Variants in LYPD4 observed in about 807,000 individuals in gnomAD.
LYPD4 encodes ly6/PLAUR domain-containing protein 4.
LYPD4 carries 20 observed loss-of-function variants against 18.2 expected under a neutral mutation model. The ratio of observed to expected loss-of-function variants is 1.10; its 90% CI spans 0.77 to 1.59. The LOEUF (loss-of-function observed/expected upper bound fraction) is 1.59, where lower values mean the gene tolerates loss of function less well. Ranked by LOEUF, LYPD4 falls within the 40% of genes most tolerant of loss-of-function variation. The pLI, the probability that LYPD4 is intolerant of heterozygous loss-of-function variation, is 0.00. For synonymous variants in LYPD4, 111 were observed against 118.3 expected, an observed-to-expected ratio of 0.94 and a Z score of 0.40; for missense variants, 278 against 300.3, an observed-to-expected ratio of 0.93 and a Z score of 0.55.
intron 1 of LYPD4, among the ~76,000 whole-genome samples, chr19:41,842,666 CAGA>C (rs1485904317): frequency 2.1e-5 from 3 of 144,790 alleles, no homozygotes; most frequent in Non-Finnish European, 3.0e-5. Flanking sequence ...GCTGTGGCAG[CAGA>C]AGAATTGCTT....
chr19:41,837,308 A>G lies in LYPD4; in HGVS notation c.576T>C (p.Ala192=), dbSNP rs782731400. The G allele has an allele frequency of 1.4e-5, 22 of 1,613,926 alleles. No homozygotes were observed. Among genetic ancestry groups the G allele is most frequent in the Non-Finnish European group, 1.8e-5 (21 of 1,179,954 alleles). The change falls in exon 5 of 5, where the codon GCT becomes GCC. Residue 192 remains alanine (A), a synonymous_variant. Coordinates refer to ENST00000609812, the MANE Select transcript of LYPD4 (RefSeq NM_173506.7). ...CTGCTAAAAGCTGGTTATGTTCACGAGCACACCCCATGAGGAGGAAGGTGG... is the reference window on the plus strand; with the variant it reads ...CTGCTAAAAGCTGGTTATGTTCACGGGCACACCCCATGAGGAGGAAGGTGG... ...LNTTFLLMGC[A]REHNQLLADF... is the part of the protein sequence containing the mutation.
At position 41,839,896 on chromosome 19, in the gene LYPD4, T is replaced by C. The variant is rs2073519852; in HGVS notation, c.-120-491A>G. Among the ~76,000 whole-genome samples, 5 of 151,238 alleles carry C rather than the reference T, an allele frequency of 3.3e-5. No individual in the cohort carries two copies. In the South Asian group the frequency reaches 1.0e-3, roughly 32 times the overall value. ...AAAACCCCATCTCTACTAAAAAATA[T>C]AAATTAGCCAGGGGTGGTGGCACGA... On this transcript the variant is annotated intron_variant, in intron 1 of 4. Transcript: ENST00000609812.
At chr19:41,839,679 G>GTT (rs74545144) in intron 1 of LYPD4, 2 of 154,022 alleles carry the variant, frequency 1.3e-5, no homozygotes, top group East Asian at 1.5e-4. Flanking sequence ...ACTCGTGTGT[G>GTT]TTGTGTGTGT....
In LYPD4 at chr19:41,838,042, G is replaced by T; in HGVS notation, c.431C>A (p.Thr144Asn). 1 of 1,614,130 alleles carries T rather than the reference G, an allele frequency of 6.2e-7. No individual in the cohort carries two copies. Among genetic ancestry groups the T allele is most frequent in the Non-Finnish European group, 8.5e-7 (1 of 1,180,012 alleles). Residue 144 changes from threonine (T) to asparagine (N), a missense_variant, in exon 4 of 5, where the codon ACC becomes AAC. Thr to Asn is a moderately conservative substitution (Grantham distance 65, BLOSUM62 0). Transcript: ENST00000609812. ...SITSASCSCP[T>N]CVGEHMKDCL... is the part of the protein sequence containing the mutation. ...ATCCTTCATGTGCTCGCCCACACAG[G>T]TCGGGCAGCTACAGGACGCAGATGT...
chr19:41,835,813 A>T, downstream of LYPD4: 1 of 985,386 alleles, frequency 1.0e-6, no homozygotes, highest in Non-Finnish European at 1.2e-6. Flanking sequence ...TCAAGCTACT[A>T]ACAAAGGTCA....
At position 41,839,023 on chromosome 19, in the gene LYPD4, C is replaced by G. The variant is rs782158115; in HGVS notation, c.69G>C (p.Arg23=). ...CLLGAISTLP[R]AGALLCYEAT... ...CTTCATAGCACAAAAGAGCTCCAGC[C>G]CCTAAAAAGAGAATGCTCTCCCAGT... Residue 23 remains arginine (R), a splice_region_variant and synonymous_variant, in exon 3 of 5, where the codon CGG becomes CGC. Transcript: ENST00000609812. 2 of 1,613,208 alleles carry G rather than the reference C, an allele frequency of 1.2e-6. No individual in the cohort carries two copies. The highest frequency in any genetic ancestry group is 2.2e-5 in the South Asian group (2 of 91,034).
chr19:41,839,318 C>T lies in LYPD4; in HGVS notation c.-33G>A, dbSNP rs2073496866. The T allele has an allele frequency of 1.9e-6, 3 of 1,602,346 alleles. No homozygotes were observed. The highest frequency in any genetic ancestry group is 2.6e-6 in the Non-Finnish European group (3 of 1,169,418). ...TGTCTGGGTCCTGGGTGCTAGAGGT[C>T]AGTCTGGAATCAGTTTCAGTCTGGA... On this transcript the variant is annotated 5_prime_UTR_variant, in exon 2 of 5. Coordinates refer to ENST00000609812, the MANE Select transcript of LYPD4 (RefSeq NM_173506.7).
chr19:41,839,361 A>C lies in LYPD4; in HGVS notation c.-76T>G. 1 of 1,372,158 alleles carries C rather than the reference A, an allele frequency of 7.3e-7. No individual in the cohort carries two copies. The highest frequency in any genetic ancestry group is 1.0e-6 in the Non-Finnish European group (1 of 961,738). 85.0% of individuals were successfully genotyped at this position (1,372,158 alleles called of 1,614,324 possible). A position where few individuals can be genotyped will look rare whatever the true frequency, so the allele number is the denominator to read the frequency against. The stretch of plus-strand genomic sequence containing the variant: ...AGTCTGGATCCCAAGCTCAGTTCCC[A>C]TCAGTCCCCGAATTCTTTGTCCACC... On this transcript the variant is annotated 5_prime_UTR_variant, in exon 2 of 5. The change abolishes an upstream ATG in the 5' untranslated region. Transcript: ENST00000609812.
At chr19:41,840,228 A>ACCAG (rs1195517372) in intron 1 of LYPD4, among the ~76,000 whole-genome samples, 2 of 152,118 alleles carry the variant, frequency 1.3e-5, no homozygotes, top group African/African-American at 4.8e-5. Flanking sequence ...AGTACTGTAC[A>ACCAG]CCAGCCCAGG....
At chr19:41,840,265 A>G (rs1226720165) in intron 1 of LYPD4, among the ~76,000 whole-genome samples, 1 of 152,094 alleles carries the variant, frequency 6.6e-6, no homozygotes, top group Non-Finnish European at 1.5e-5. Flanking sequence ...CATCTCTACA[A>G]AAAATACAAA....
chr19:41,837,079 G>A lies in LYPD4; in HGVS notation c.*64C>T, dbSNP rs150431199. The A allele has an allele frequency of 1.2e-6, 2 of 1,607,500 alleles. No homozygotes were observed. Among genetic ancestry groups the A allele is most frequent in the African/African-American group, 2.7e-5 (2 of 74,766 alleles). On this transcript the variant is annotated 3_prime_UTR_variant, in exon 5 of 5. Transcript: ENST00000609812. ...ATGGACCACAGGACAATGCAGAAAG[G>A]GAACTCTGCTATTTTATTTGTTATG...
rs1191227475 is a variant in LYPD4 at position 41,838,928 on chromosome 19, C to T, written c.164G>A (p.Cys55Tyr). The change falls in exon 3 of 5, where the codon TGT becomes TAT. Residue 55 changes from cysteine (C) to tyrosine (Y), a missense_variant. Coordinates refer to ENST00000609812, the MANE Select transcript of LYPD4 (RefSeq NM_173506.7). The stretch of plus-strand genomic sequence containing the variant: ...CTCCTCGCAGCCCTCTTGCAGCTTA[C>T]ACACCATGTTCCTCATCAGAAGCCA... ...WKWLLMRNMV[C>Y]KLQEGCEETL... The T allele has an allele frequency of 4.3e-6, 7 of 1,614,016 alleles. No homozygotes were observed. In the East Asian group the frequency reaches 1.3e-4, roughly 31 times the overall value.
intron 4 of LYPD4, 141 bp from the exon 5 acceptor site, chr19:41,837,486 G>A: frequency 1.1e-6 from 1 of 878,046 alleles, no homozygotes; most frequent in Non-Finnish European, 1.8e-6. Context: ...TTAAGGCCAG[G>A]AGTTTGAGAC....
At chr19:41,838,527 CTACCCACT>C (rs1360114024) in intron 3 of LYPD4, among the ~76,000 whole-genome samples, 1 of 152,100 alleles carries the variant, frequency 6.6e-6, no homozygotes, top group Admixed American at 6.6e-5. Flanking sequence ...CACCTCCATT[CTACCCACT>C]TACCCAGCCC....
intron 1 of LYPD4, among the ~76,000 whole-genome samples, chr19:41,841,057 T>C (rs2073571518): frequency 6.6e-6 from 1 of 152,096 alleles, no homozygotes; most frequent in Non-Finnish European, 1.5e-5. Flanking sequence ...ATCAATGAAA[T>C]AGTAAACAAC....
At chr19:41,838,727 A>G (rs2073463757) in intron 3 of LYPD4, among the ~76,000 whole-genome samples, 154 bp downstream of exon 3, 1 of 151,510 alleles carries the variant, frequency 6.6e-6, no homozygotes, top group Admixed American at 6.6e-5. Context: ...AGAACTCCCC[A>G]TCTCAAAAAA....
rs1276255179 is a variant in LYPD4, at chr19:41,838,241, C to G, written c.232G>C (p.Gly78Arg). ...GAAGACGAGCTGCAGCCTTTAAAGC[C>G]CACGACTCCCCTTGCAGTCCCTGAG... is the stretch of plus-strand genomic sequence containing the variant. ...IETGTARGVV[G>R]FKGCSSSSSY... The change falls in exon 4 of 5, where the codon GGC becomes CGC. Residue 78 changes from glycine (G) to arginine (R), a missense_variant. Physicochemically the swap from Gly to Arg is moderately radical, Grantham distance 125 (BLOSUM62 -2). Coordinates refer to ENST00000609812, the MANE Select transcript of LYPD4 (RefSeq NM_173506.7). 3.9e-6 allele frequency: 6 copies of G among 1,534,220 alleles called. No individual in the cohort carries two copies. The highest frequency in any genetic ancestry group is 5.3e-6 in the Non-Finnish European group (6 of 1,139,356).
chr19:41,839,073 G>A, intron 2 of LYPD4, 49 bp from the exon 3 acceptor site: 3 of 1,610,764 alleles, frequency 1.9e-6, no homozygotes, highest in Non-Finnish European at 1.7e-6. Flanking sequence ...ATCATCTTCT[G>A]AGCCCGTTAA....
chr19:41,839,078 C>T (rs1280086304), intron 2 of LYPD4, 54 bp from the exon 3 acceptor site: 7 of 1,610,172 alleles, frequency 4.3e-6, no homozygotes, highest in South Asian at 1.1e-5. Flanking sequence ...CTTCTGAGCC[C>T]GTTAACTGCC....
Sources: gnomAD v4.1 joint callset for allele counts (sites outside exome capture counted in the v4.1 genomes callset) on GRCh38, gnomAD v4.1.1 for gene constraint, MANE v1.5 for transcripts, NCBI Gene and HGNC (gene_info 2026-07-23, HGNC 2026-07-21) for gene names.